The following ZBTB20 variants were observed in gnomAD, a reference collection of about 807,000 sequenced individuals.
The protein encoded by ZBTB20 is zinc finger and BTB domain-containing protein 20.
ZBTB20 carries 9 observed loss-of-function variants against 56.9 expected under a neutral mutation model. That is an observed-to-expected ratio of 0.16 (90% CI 0.10 to 0.28). The LOEUF (loss-of-function observed/expected upper bound fraction) is 0.28. Ranked by LOEUF, ZBTB20 falls within the 10% of genes least tolerant of loss-of-function variation. The pLI, the probability that ZBTB20 is intolerant of heterozygous loss-of-function variation, is 1.00. For synonymous variants in ZBTB20, 417 were observed against 420.7 expected (o/e 0.99, Z 0.11); for missense variants, 655 against 1,003.0 (o/e 0.65, Z 4.69).
intron 1 of ZBTB20, among the ~76,000 whole-genome samples, chr3:115,076,174 T>C (rs1214891778): frequency 2.6e-5 from 4 of 152,174 alleles, no homozygotes; most frequent in Non-Finnish European, 4.4e-5. Context: ...AAAATGTCCA[T>C]ACCCAAAGTG....
chr3:114,874,731 C>A (rs2076129966), intron 4 of ZBTB20, among the ~76,000 whole-genome samples: 1 of 152,122 alleles, frequency 6.6e-6, no homozygotes, highest in Admixed American at 6.6e-5. Context: ...TTTTTCAGTT[C>A]TCTTTATTGA....
At chr3:114,355,802 T>G (rs1185229021) in intron 10 of ZBTB20, among the ~76,000 whole-genome samples, 1 of 151,506 alleles carries the variant, frequency 6.6e-6, no homozygotes, top group African/African-American at 2.4e-5. Context: ...TTTCTTAGAT[T>G]GGCACTGAAT....
intron 5 of ZBTB20, among the ~76,000 whole-genome samples, chr3:114,749,568 AAAGGAAGGAAGGAAGGAAGGAAGG>A (rs71146333): frequency 8.1e-5 from 11 of 135,966 alleles, no homozygotes; most frequent in South Asian, 7.4e-4. Flanking sequence ...GAAAGAAAGA[AAAGGAAGGAAGGAAGGAAGGAAGG>A]AAGGAAGGAA....
intron 6 of ZBTB20, among the ~76,000 whole-genome samples, chr3:114,602,345 T>C (rs1447061717): frequency 6.6e-6 from 1 of 152,032 alleles, no homozygotes; most frequent in Non-Finnish European, 1.5e-5. Flanking sequence ...GTTACTTATA[T>C]ATGTCTAGTT....
At chr3:114,474,143 A>C (rs2040465792) in intron 7 of ZBTB20, among the ~76,000 whole-genome samples, 1 of 152,042 alleles carries the variant, frequency 6.6e-6, no homozygotes, top group Non-Finnish European at 1.5e-5. Flanking sequence ...TGATTCAATT[A>C]CCTCCCTCTG....
chr3:114,459,163 G>A (rs1344561793), intron 7 of ZBTB20, among the ~76,000 whole-genome samples: 1 of 152,054 alleles, frequency 6.6e-6, no homozygotes, highest in East Asian at 1.9e-4. Flanking sequence ...ATAATTCAAC[G>A]TATCTCATAA....
intron 2 of ZBTB20, among the ~76,000 whole-genome samples, chr3:115,050,201 G>A (rs112931623): frequency 1.3e-5 from 2 of 151,840 alleles, no homozygotes; most frequent in East Asian, 1.9e-4. Context: ...GAAAAGGTAC[G>A]AATTTTATAA....
chr3:115,077,714 G>C (rs889493133), intron 1 of ZBTB20, among the ~76,000 whole-genome samples: 2 of 152,142 alleles, frequency 1.3e-5, no homozygotes, highest in Admixed American at 1.3e-4. Context: ...TGTCAGGGCT[G>C]TTATTAATAA....
At chr3:114,776,129 C>T (rs532169270) in intron 5 of ZBTB20, among the ~76,000 whole-genome samples, 2 of 147,574 alleles carry the variant, frequency 1.4e-5, no homozygotes, top group East Asian at 4.0e-4. Context: ...ACAGTGCTAG[C>T]GGAAAGGAGA....
intron 1 of ZBTB20, among the ~76,000 whole-genome samples, chr3:115,108,421 A>G (rs1024446449): frequency 1.3e-5 from 2 of 152,172 alleles, no homozygotes; most frequent in African/African-American, 4.8e-5. Context: ...ATGAGTAACA[A>G]TTTGAAGTTA....
At chr3:115,055,091 T>G (rs1387450245) in intron 2 of ZBTB20, among the ~76,000 whole-genome samples, 1 of 152,050 alleles carries the variant, frequency 6.6e-6, no homozygotes, top group African/African-American at 2.4e-5. Context: ...TTTCTTGGAC[T>G]TCTTTCTATT....
At chr3:115,143,013 A>G (rs2084862315) in intron 1 of ZBTB20, among the ~76,000 whole-genome samples, 1 of 152,116 alleles carries the variant, frequency 6.6e-6, no homozygotes, top group Non-Finnish European at 1.5e-5. Context: ...ACAGATGGGA[A>G]AAAAAATTAA....
rs2079507790 is a variant in ZBTB20, at chr3:114,337,724, C to G, written c.*1281G>C. ...AAAAAATATGAAGAAAATATCCTTC[C>G]TCTCTTTCAAATATAACTTTAGTTG... is the stretch of plus-strand genomic sequence containing the variant. On this transcript the variant is annotated 3_prime_UTR_variant, in exon 12 of 12. Transcript: ENST00000675478. The G allele has an allele frequency of 6.6e-6, 1 of 151,966 alleles. No individual in the cohort carries two copies. Among genetic ancestry groups the G allele is most frequent in the African/African-American group, 2.4e-5 (1 of 41,376 alleles). 9.4% of individuals were successfully genotyped at this position (151,966 alleles called of 1,614,324 possible).
chr3:114,630,476 C>CGT (rs1000481703), intron 6 of ZBTB20, among the ~76,000 whole-genome samples: 3 of 152,174 alleles, frequency 2.0e-5, no homozygotes, highest in East Asian at 1.9e-4. Flanking sequence ...TGTGTGTGTA[C>CGT]GTGTGTGTGT....
intron 4 of ZBTB20, among the ~76,000 whole-genome samples, chr3:114,811,889 T>C (rs1480202194): frequency 1.3e-5 from 2 of 152,208 alleles, no homozygotes; most frequent in Non-Finnish European, 2.9e-5. Flanking sequence ...TTGGTCTCAC[T>C]GACTTCAAGA....
chr3:114,442,264 T>C (rs1438499551), intron 7 of ZBTB20, among the ~76,000 whole-genome samples: 4 of 152,172 alleles, frequency 2.6e-5, no homozygotes, highest in African/African-American at 9.7e-5. Context: ...ACTTGAGATA[T>C]TAATGCTAAT....
intron 2 of ZBTB20, among the ~76,000 whole-genome samples, chr3:115,005,725 G>C (rs945786609): frequency 6.6e-6 from 1 of 151,688 alleles, no homozygotes; most frequent in Admixed American, 6.6e-5. Context: ...TCTTAGTTGA[G>C]GTCACTGTGA....
chr3:114,625,233 A>G (rs1255867664), intron 6 of ZBTB20, among the ~76,000 whole-genome samples: 1 of 152,156 alleles, frequency 6.6e-6, no homozygotes, highest in African/African-American at 2.4e-5. Context: ...CAAGAGAAAA[A>G]AAAAAGCTGC....
rs896174809 is a variant in ZBTB20 at position 114,420,086 on chromosome 3, C to T, written c.-254-30981G>A. On this transcript the variant is annotated intron_variant, in intron 7 of 11. Transcript: ENST00000675478. The stretch of plus-strand genomic sequence containing the variant: ...CAACAGACTTATCTAGATAGAGCTA[C>T]AAAGCAACATGAAAACTCTCATTAC... Among the ~76,000 whole-genome samples, 4 of 152,060 alleles carry T rather than the reference C, an allele frequency of 2.6e-5. No homozygotes were observed. In the East Asian group the frequency reaches 5.8e-4, roughly 22 times the overall value.
Sources: gnomAD v4.1 joint callset for allele counts (sites outside exome capture counted in the v4.1 genomes callset) on GRCh38, gnomAD v4.1.1 for gene constraint, MANE v1.5 for transcripts, NCBI Gene and HGNC (gene_info 2026-07-23, HGNC 2026-07-21) for gene names.